RBFOX1: variants seen among roughly 807,000 people sequenced by gnomAD.
RBFOX1 encodes RNA binding fox-1 homolog 1, also known as RNA binding protein fox-1 homolog 1.
A neutral mutation model predicts 57.7 loss-of-function variants in RBFOX1; 8 were observed. The observed-to-expected ratio is 0.14, with a 90% CI of 0.08 to 0.25. The LOEUF is 0.25. Ranked by LOEUF, RBFOX1 falls within the 10% of genes least tolerant of loss-of-function variation. RBFOX1 has a pLI of 1.00. For missense variants in RBFOX1, 611 were observed against 548.5 expected (o/e 1.11, Z -1.14); for synonymous variants, 326 against 222.4 (o/e 1.47, Z -4.15).
At chr16:7,290,401 G>T (rs1282893455) in intron 4 of RBFOX1, among the ~76,000 whole-genome samples, 1 of 152,150 alleles carries the variant, frequency 6.6e-6, no homozygotes, top group Non-Finnish European at 1.5e-5. Flanking sequence ...TTTTAACCAG[G>T]TGACCTTAAA....
chr16:5,932,821 TG>T (rs1478264056), intron 4 of RBFOX1, among the ~76,000 whole-genome samples: 6 of 152,024 alleles, frequency 3.9e-5, no homozygotes, highest in African/African-American at 1.4e-4. Context: ...TGGTTCTCCC[TG>T]CTCTTTGGCC....
At chr16:6,340,709 C>G (rs1037982526) in intron 2 of RBFOX1, among the ~76,000 whole-genome samples, 1 of 152,180 alleles carries the variant, frequency 6.6e-6, no homozygotes, top group Non-Finnish European at 1.5e-5. Context: ...GTTTTATGAG[C>G]AAGGTCTTTA....
At chr16:6,628,151 C>T (rs907577382) in intron 2 of RBFOX1, among the ~76,000 whole-genome samples, 10 of 152,290 alleles carry the variant, frequency 6.6e-5, no homozygotes, top group African/African-American at 1.2e-4. Flanking sequence ...ACTGGTATGG[C>T]GTTACCTTCT....
intron 4 of RBFOX1, among the ~76,000 whole-genome samples, chr16:7,378,617 TC>T (rs1444107202): frequency 6.6e-6 from 1 of 152,232 alleles, no homozygotes; most frequent in Non-Finnish European, 1.5e-5. Context: ...ACATTGTTTT[TC>T]TTCCTTTTTT....
intron 2 of RBFOX1, among the ~76,000 whole-genome samples, chr16:5,561,597 T>C (rs2045893309): frequency 6.6e-6 from 1 of 152,110 alleles, no homozygotes; most frequent in Non-Finnish European, 1.5e-5. Flanking sequence ...CGATATAAGG[T>C]TTTAAATACA....
chr16:6,203,476 C>CCATT (rs2097230252), intron 1 of RBFOX1, among the ~76,000 whole-genome samples: 1 of 152,136 alleles, frequency 6.6e-6, no homozygotes, highest in Admixed American at 6.5e-5. Flanking sequence ...TTTTCTTTAT[C>CCATT]CATTCATTGT....
At chr16:6,625,490 C>G (rs146105266) in intron 2 of RBFOX1, among the ~76,000 whole-genome samples, 93 of 152,248 alleles carry the variant, frequency 6.1e-4, no homozygotes, top group African/African-American at 2.1e-3. Flanking sequence ...CTTTCCTTTT[C>G]TAGGTATTTC....
intron 4 of RBFOX1, among the ~76,000 whole-genome samples, chr16:5,877,092 C>G (rs915735662): frequency 6.6e-6 from 1 of 152,160 alleles, no homozygotes; most frequent in African/African-American, 2.4e-5. Flanking sequence ...ACTGTGCTCC[C>G]TCCTAACAGA....
intron 4 of RBFOX1, among the ~76,000 whole-genome samples, chr16:7,514,174 A>G (rs1343914357): frequency 6.6e-6 from 1 of 152,180 alleles, no homozygotes; most frequent in Admixed American, 6.5e-5. Flanking sequence ...ACAGCTATCC[A>G]ACTCTGCCTT....
At chr16:5,915,877 T>C (rs148810264) in intron 4 of RBFOX1, among the ~76,000 whole-genome samples, 23 of 152,152 alleles carry the variant, frequency 1.5e-4, no homozygotes, top group African/African-American at 5.3e-4. Flanking sequence ...CACATTACCA[T>C]CATAAGCCTT....
intron 1 of RBFOX1, among the ~76,000 whole-genome samples, chr16:6,251,463 T>C (rs541633765): frequency 1.3e-5 from 2 of 152,266 alleles, no homozygotes; most frequent in South Asian, 4.1e-4. Context: ...CCCCTTGCTT[T>C]CTTTTCATTG....
intron 1 of RBFOX1, among the ~76,000 whole-genome samples, chr16:5,371,935 C>T (rs983843575): frequency 2.0e-5 from 3 of 152,202 alleles, no homozygotes; most frequent in African/African-American, 4.8e-5. Context: ...TACCTTGAAC[C>T]CAGCAGTGAG....
intron 4 of RBFOX1, among the ~76,000 whole-genome samples, chr16:7,506,774 T>C (rs564078616): frequency 2.9e-5 from 4 of 138,118 alleles, no homozygotes; most frequent in Non-Finnish European, 6.7e-5. Flanking sequence ...AGTTTTCTTA[T>C]CTGCCAAAGG....
At position 5,339,474 on chromosome 16, in the gene RBFOX1, T is replaced by G. The variant is rs13334696; in HGVS notation, c.219+99369T>G. On this transcript the variant is annotated intron_variant, in intron 1 of 2. Transcript: ENST00000585867. ...GCTAGAAGCTGCTTTTTCCGTGTTT[T>G]TTTTTTTTTTTTTTTTTTTTTTTTT... Among the ~76,000 whole-genome samples, 438 of 80,304 alleles carry G rather than the reference T, an allele frequency of 5.5e-3. 4 individuals are homozygous for G. The highest frequency in any genetic ancestry group is 0.028 in the African/African-American group (410 of 14,812). The allele number at this position is 80,304 out of a possible 152,430, so 52.7% of individuals were successfully genotyped here. A position where few individuals can be genotyped will look rare whatever the true frequency, so the allele number is the denominator to read the frequency against.
chr16:6,534,496 A>C (rs1241807575), intron 2 of RBFOX1, among the ~76,000 whole-genome samples: 1 of 152,104 alleles, frequency 6.6e-6, no homozygotes, highest in East Asian at 1.9e-4. Context: ...CAAAATGGAG[A>C]TGTGTGAATC....
chr16:5,955,356 A>AAAAT (rs2059613211), intron 4 of RBFOX1, among the ~76,000 whole-genome samples: 12 of 27,210 alleles, frequency 4.4e-4, no homozygotes, highest in African/African-American at 1.9e-3. Context: ...TAAAATAAAT[A>AAAAT]AAAATAAAAT....
At chr16:6,605,563 G>A (rs1300837514) in intron 2 of RBFOX1, among the ~76,000 whole-genome samples, 1 of 152,134 alleles carries the variant, frequency 6.6e-6, no homozygotes, top group Non-Finnish European at 1.5e-5. Flanking sequence ...CGGAGTGATC[G>A]GAGTGAATCT....
chr16:6,817,934 C>T (rs7201578), intron 3 of RBFOX1, among the ~76,000 whole-genome samples: 37 of 152,258 alleles, frequency 2.4e-4, no homozygotes, highest in Admixed American at 9.8e-4. Flanking sequence ...TCTACTGTGT[C>T]TCTCTGTTGG....
chr16:7,140,173 TCTCTCTCTCTCTC>T (rs2073328857), intron 4 of RBFOX1, among the ~76,000 whole-genome samples: 1 of 147,280 alleles, frequency 6.8e-6, no homozygotes, highest in African/African-American at 2.5e-5. Context: ...TCTCTCTCTC[TCTCTCTCTCTCTC>T]TCTCTCTCCC....
Sources: gnomAD v4.1 joint callset for allele counts (sites outside exome capture counted in the v4.1 genomes callset) on GRCh38, gnomAD v4.1.1 for gene constraint, MANE v1.5 for transcripts, NCBI Gene and HGNC (gene_info 2026-07-23, HGNC 2026-07-21) for gene names.